Variants in CCDC47 observed in about 807,000 individuals in gnomAD.
The protein encoded by CCDC47 is PAT complex subunit CCDC47.
CCDC47 carries 41 observed loss-of-function variants against 60.5 expected under a neutral mutation model. The observed-to-expected ratio is 0.68, with a 90% CI of 0.53 to 0.88. CCDC47 has a LOEUF of 0.88. CCDC47 is among the 40% of genes least tolerant of loss of function. The pLI is 0.00. For synonymous variants in CCDC47, 195 were observed against 190.7 expected, an observed-to-expected ratio of 1.02 and a Z score of -0.18; for missense variants, 513 against 580.9, an observed-to-expected ratio of 0.88 and a Z score of 1.20.
Position 63,764,069 on chromosome 17 carries a change from T to A in CCDC47, c.494A>T (p.Gln165Leu). 1 of 1,613,036 alleles carries A rather than the reference T, an allele frequency of 6.2e-7. No individual in the cohort carries two copies. The highest frequency in any genetic ancestry group is 8.5e-7 in the Non-Finnish European group (1 of 1,179,836). The change falls in exon 4 of 13, where the codon CAG becomes CTG. Residue 165 changes from glutamine to leucine, a missense_variant. Transcript: ENST00000225726. Reference sequence around the variant, plus strand: ...CTCCCTATGAGTGTTAAACCAGGCCTGTGCAAGGCGACTGTTTTTATTCTT... The same window carrying A: ...CTCCCTATGAGTGTTAAACCAGGCCAGTGCAAGGCGACTGTTTTTATTCTT... ...IGKNKNSRLA[Q>L]AWFNTHRELL...
chr17:63,764,764 A>G lies in CCDC47; in HGVS notation c.348T>C (p.Asn116=), dbSNP rs769905797. 1.9e-6 allele frequency: 3 copies of G among 1,613,170 alleles called. No homozygotes were observed. The highest frequency in any genetic ancestry group is 2.2e-5 in the East Asian group (1 of 44,830). Reference sequence around the variant, plus strand: ...CATCAACAATCGTTATTGGGTCTTTATTTTTGCTAGAAGAAGTATCTGGTT... The same window carrying G: ...CATCAACAATCGTTATTGGGTCTTTGTTTTTGCTAGAAGAAGTATCTGGTT... ...EDKPDTSSSK[N]KDPITIVDVP... Residue 116 remains asparagine, a synonymous_variant, in exon 3 of 13, where the codon AAT becomes AAC. Coordinates refer to ENST00000225726, the MANE Select transcript of CCDC47 (RefSeq NM_020198.3).
chr17:63,748,489 A>G (rs2039137358), intron 12 of CCDC47, among the ~76,000 whole-genome samples: 1 of 152,030 alleles, frequency 6.6e-6, no homozygotes, highest in South Asian at 2.1e-4. Context: ...CAATGGCGCA[A>G]TCCCGACTCA....
At chr17:63,748,157 GT>G (rs1198742989) in intron 12 of CCDC47, among the ~76,000 whole-genome samples, 39 of 146,164 alleles carry the variant, frequency 2.7e-4, no homozygotes, top group Non-Finnish European at 3.2e-4. Context: ...GCCTGGCCAG[GT>G]TTTTTTTTTT....
At chr17:63,751,348 A>G (rs1238135888) in intron 12 of CCDC47, among the ~76,000 whole-genome samples, 2 of 122,440 alleles carry the variant, frequency 1.6e-5, no homozygotes, top group African/African-American at 6.4e-5. Context: ...CCTGGGTGAC[A>G]GAGTGAGACT....
chr17:63,771,215 G>A (rs897228794), intron 1 of CCDC47, among the ~76,000 whole-genome samples: 2 of 151,504 alleles, frequency 1.3e-5, no homozygotes, highest in Non-Finnish European at 2.9e-5. Context: ...AGATTTGGAG[G>A]CAAGAACAGT....
chr17:63,754,130 CA>C lies in CCDC47; in HGVS notation c.1034+302del, dbSNP rs751240055. Reference sequence around the variant, plus strand: ...CAAACAAACAAAAAACAAAACAAAACAAAAAAACCCACTGCATTTTATTAGT... The same window carrying C: ...CAAACAAACAAAAAACAAAACAAAACAAAAAACCCACTGCATTTTATTAGT... On this transcript the variant is annotated intron_variant, in intron 9 of 12. Coordinates refer to ENST00000225726, the MANE Select transcript of CCDC47 (RefSeq NM_020198.3). 4.7e-4 allele frequency among the ~76,000 whole-genome samples: 72 copies of C among 151,864 alleles called. 1 individual carries two copies. Among genetic ancestry groups the C allele is most frequent in the Non-Finnish European group, 3.2e-4 (22 of 67,896 alleles).
At chr17:63,771,103 G>A (rs1042316556) in intron 1 of CCDC47, among the ~76,000 whole-genome samples, 1 of 151,376 alleles carries the variant, frequency 6.6e-6, no homozygotes, top group Non-Finnish European at 1.5e-5. Flanking sequence ...AATTTGAAAG[G>A]TACAAATGAT....
rs571911817 is a variant in CCDC47, at chr17:63,747,009, G to T, written c.1372-48C>A. ...ATAGAGAAAGGGAGTGGGGACGAGA[G>T]AATTCAAATTAAGCTTGAAACATAT... On this transcript the variant is annotated intron_variant, in intron 12 of 12. Coordinates refer to ENST00000225726, the MANE Select transcript of CCDC47 (RefSeq NM_020198.3). 30 of 1,597,206 alleles carry T rather than the reference G, an allele frequency of 1.9e-5. No individual in the cohort carries two copies. The Admixed American group carries it at 3.1e-4, about 17-fold the overall frequency.
rs746971081 is a variant in CCDC47, at chr17:63,751,995, G to A, written c.1316C>T (p.Ala439Val). The A allele has an allele frequency of 3.7e-6, 6 of 1,613,328 alleles. No homozygotes were observed. In the South Asian group the frequency reaches 5.5e-5, roughly 15 times the overall value. ...AQSRREEKKR[A>V]EKERIMNEED... ...CTCATTCATGATTCGCTCCTTCTCT[G>A]CTCTTTTTTTCTCCTCCCGCCGAGA... is the stretch of plus-strand genomic sequence containing the variant. The change falls in exon 12 of 13, where the codon GCA becomes GTA. Residue 439 changes from alanine (A) to valine (V), a missense_variant. Ala to Val is a moderately conservative substitution (Grantham distance 64, BLOSUM62 0). Coordinates refer to ENST00000225726, the MANE Select transcript of CCDC47 (RefSeq NM_020198.3).
rs1568249035 is a variant in CCDC47, at chr17:63,759,507, AAATATATATATATATATATTTATATAT to A, written c.735+1380_735+1406del. Among the ~76,000 whole-genome samples, 167 of 22,192 alleles carry A rather than the reference AAATATATATATATATATATTTATATAT, an allele frequency of 7.5e-3. 42 individuals carry two copies. The African/African-American group carries it at 0.081, about 11-fold the overall frequency. The allele number at this position is 22,192 out of a possible 152,430, so 14.6% of individuals were successfully genotyped here. ...CTGTCTCCCAAAAAAAAAAAAAAAA[AAATATATATATATATATATTTATATAT>A]ATATATATATATATATATATATATA... On this transcript the variant is annotated intron_variant, in intron 6 of 12. Transcript: ENST00000225726.
intron 1 of CCDC47, among the ~76,000 whole-genome samples, chr17:63,768,003 T>A (rs2039309517): frequency 6.6e-6 from 1 of 152,186 alleles, no homozygotes; most frequent in South Asian, 2.1e-4. Context: ...AGAGCCACCA[T>A]ATTATTTTAA....
chr17:63,755,203 G>A (rs1291820781), intron 8 of CCDC47: 1 of 672,674 alleles, frequency 1.5e-6, no homozygotes, highest in East Asian at 1.3e-4. Flanking sequence ...CTGGACTCAA[G>A]TGATTCTCCT....
rs1169004714 is a variant in CCDC47, at chr17:63,759,540, T to C, written c.735+1374A>G. ...ATATATATATATTTATATATATATA[T>C]ATATATATATATATATATATATATA... On this transcript the variant is annotated intron_variant, in intron 6 of 12. Transcript: ENST00000225726. Among the ~76,000 whole-genome samples the C allele has an allele frequency of 1.2e-4, 2 of 16,140 alleles. 1 individual carries two copies. The highest frequency in any genetic ancestry group is 2.0e-4 in the Non-Finnish European group (2 of 10,040). 10.6% of individuals were successfully genotyped at this position (16,140 alleles called of 152,430 possible). A position where few individuals can be genotyped will look rare whatever the true frequency, so the allele number is the denominator to read the frequency against.
intron 12 of CCDC47, among the ~76,000 whole-genome samples, chr17:63,749,814 G>A (rs954287160): frequency 6.6e-6 from 1 of 152,006 alleles, no homozygotes; most frequent in Non-Finnish European, 1.5e-5. Context: ...CTCTGGCTGG[G>A]CACAGTGGCT....
At chr17:63,766,235 T>C in intron 1 of CCDC47, 41 bp from the exon 2 acceptor site, 2 of 1,533,464 alleles carry the variant, frequency 1.3e-6, no homozygotes, top group Non-Finnish European at 1.8e-6. Flanking sequence ...TGCCATTCTA[T>C]ACATACTGAT....
chr17:63,752,890 C>T (rs1292268769), intron 9 of CCDC47, 91 bp from the exon 10 acceptor site: 1 of 1,519,726 alleles, frequency 6.6e-7, no homozygotes, highest in African/African-American at 1.4e-5. Context: ...TGAACAGATA[C>T]CTGCACATAA....
At chr17:63,764,261 G>C (rs1283985075) in intron 3 of CCDC47, 71 bp from the exon 4 acceptor site, 2 of 1,168,432 alleles carry the variant, frequency 1.7e-6, no homozygotes, top group Non-Finnish European at 2.4e-6. Flanking sequence ...ATGGCAGGAA[G>C]AATGAGAAAA....
intron 12 of CCDC47, among the ~76,000 whole-genome samples, chr17:63,750,452 A>G (rs1224027811): frequency 5.9e-5 from 9 of 152,196 alleles, no homozygotes; most frequent in Admixed American, 5.9e-4. Context: ...AGCATTAATG[A>G]CACTGCTGTC....
In CCDC47 at chr17:63,761,477, C is replaced by T. The variant is rs535124388; in HGVS notation, c.548-126G>A. The stretch of plus-strand genomic sequence containing the variant: ...TGGGTGGATCACGAGGTCAGGAGTT[C>T]GAGACCAGCCTGGCCAGCATGGTGA... On this transcript the variant is annotated intron_variant, in intron 4 of 12. Coordinates refer to ENST00000225726, the MANE Select transcript of CCDC47 (RefSeq NM_020198.3). 2.7e-4 allele frequency: 216 copies of T among 802,810 alleles called. 1 individual carries two copies. The highest frequency in any genetic ancestry group is 3.8e-4 in the Non-Finnish European group (190 of 504,578). The allele number at this position is 802,810 out of a possible 1,614,324, so 49.7% of individuals were successfully genotyped here.
Sources: gnomAD v4.1 joint callset for allele counts (sites outside exome capture counted in the v4.1 genomes callset) on GRCh38, gnomAD v4.1.1 for gene constraint, MANE v1.5 for transcripts, NCBI Gene and HGNC (gene_info 2026-07-23, HGNC 2026-07-21) for gene names.